Variants in PRDM16 observed in about 807,000 individuals in gnomAD.
PRDM16 encodes PR/SET domain 16.
A neutral mutation model predicts 110.6 loss-of-function variants in PRDM16; 23 were observed. That is an observed-to-expected ratio of 0.21 (90% CI 0.15 to 0.29). The LOEUF (loss-of-function observed/expected upper bound fraction) is 0.29. Ranked by LOEUF, PRDM16 falls within the 10% of genes least tolerant of loss-of-function variation. The pLI, the probability that PRDM16 is intolerant of heterozygous loss-of-function variation, is 1.00. For missense variants in PRDM16, 1,615 were observed against 1,794.3 expected (o/e 0.90, Z 1.81); for synonymous variants, 799 against 781.8 (o/e 1.02, Z -0.37).
At chr1:3,357,166 G>A (rs867483257) in intron 3 of PRDM16, among the ~76,000 whole-genome samples, 1 of 152,052 alleles carries the variant, frequency 6.6e-6, no homozygotes, top group African/African-American at 2.4e-5. Context: ...CGGGCCCTGG[G>A]AAGCCTCAGC....
Position 3,339,440 on chromosome 1 carries a change from C to T in PRDM16, c.439-45712C>T, listed in dbSNP as rs572250982. 3.3e-5 allele frequency among the ~76,000 whole-genome samples: 5 copies of T among 152,050 alleles called. No individual in the cohort carries two copies. The highest frequency in any genetic ancestry group is 4.8e-5 in the African/African-American group (2 of 41,404). On this transcript the variant is annotated intron_variant, in intron 3 of 16. Coordinates refer to ENST00000270722, the MANE Select transcript of PRDM16 (RefSeq NM_022114.4). The surrounding 1 kb of genome is among the most constrained non-coding windows in gnomAD (Gnocchi z 5.0). ...ACCCTAGAAAGTGCTCAGAGCAGAG[C>T]GGAAAGGGCATGACCCCTACCCAGT...
chr1:3,138,816 C>G (rs1024026568), intron 1 of PRDM16, among the ~76,000 whole-genome samples: 19 of 152,176 alleles, frequency 1.2e-4, no homozygotes, highest in Non-Finnish European at 2.4e-4. Flanking sequence ...GCCAGGCGCC[C>G]CTGCATGAGG....
intron 1 of PRDM16, among the ~76,000 whole-genome samples, chr1:3,089,304 G>A (rs1345972504): frequency 6.6e-6 from 1 of 152,242 alleles, no homozygotes; most frequent in Non-Finnish European, 1.5e-5. Flanking sequence ...CCCAGGCTGA[G>A]CCTCGTTTCT....
chr1:3,076,911 G>C (rs60823305), intron 1 of PRDM16, among the ~76,000 whole-genome samples: 5,764 of 152,128 alleles, frequency 0.038, 266 homozygotes, highest in African/African-American at 0.11. Context: ...GGTGTTTTTG[G>C]GGGGGACACA....
intron 2 of PRDM16, among the ~76,000 whole-genome samples, chr1:3,196,731 T>C (rs933155624): frequency 6.6e-6 from 1 of 152,206 alleles, no homozygotes; most frequent in Non-Finnish European, 1.5e-5. Flanking sequence ...GAAGCGATCA[T>C]TGTGGGGCAC....
chr1:3,429,839 C>T (rs11583353), intron 14 of PRDM16, among the ~76,000 whole-genome samples: 24,303 of 152,288 alleles, frequency 0.16, 2,245 homozygotes, highest in Non-Finnish European at 0.21. Context: ...GCCCAGTTCC[C>T]GTGCACACAG....
At chr1:3,348,875 G>T (rs926218327) in intron 3 of PRDM16, among the ~76,000 whole-genome samples, 2 of 152,234 alleles carry the variant, frequency 1.3e-5, no homozygotes, top group Non-Finnish European at 1.5e-5. Flanking sequence ...CAGCAAAAAT[G>T]AGGGAGCGGC....
chr1:3,131,784 G>A (rs975528072), intron 1 of PRDM16, among the ~76,000 whole-genome samples: 4 of 152,168 alleles, frequency 2.6e-5, no homozygotes, highest in African/African-American at 9.7e-5. Flanking sequence ...GGAGGCCGTG[G>A]CCCAGGCTGC....
intron 1 of PRDM16, among the ~76,000 whole-genome samples, chr1:3,111,218 T>C (rs1642784167): frequency 1.3e-5 from 2 of 152,126 alleles, no homozygotes; most frequent in Non-Finnish European, 2.9e-5. Flanking sequence ...AGCCTGCCTG[T>C]GCCAAGGCCC....
intron 1 of PRDM16, among the ~76,000 whole-genome samples, chr1:3,180,467 C>CATCT (rs1473273214): frequency 1.3e-5 from 2 of 152,114 alleles, no homozygotes; most frequent in Admixed American, 1.3e-4. Flanking sequence ...CGGTGGGTCC[C>CATCT]ATCTTGGGCA....
intron 3 of PRDM16, among the ~76,000 whole-genome samples, chr1:3,271,079 C>T (rs947652776): frequency 7.9e-5 from 12 of 152,200 alleles, no homozygotes; most frequent in East Asian, 1.9e-4. Flanking sequence ...CTGCCTGCCC[C>T]GCCACGTGCA....
rs950051793 is a variant in PRDM16, at chr1:3,213,599, G to A, written c.387+27125G>A. ...CTCACTCTTTCTCCGAGGAACAGGA[G>A]CAAGTGCGGCATTCTGGAGGGAGGT... On this transcript the variant is annotated intron_variant, in intron 2 of 16. Coordinates refer to ENST00000270722, the MANE Select transcript of PRDM16 (RefSeq NM_022114.4). This position sits in a 1 kb window ranked among gnomAD's most constrained non-coding sequence, Gnocchi z 5.3. Among the ~76,000 whole-genome samples the A allele has an allele frequency of 4.6e-5, 7 of 152,298 alleles. No homozygotes were observed. The East Asian group carries it at 1.2e-3, about 25-fold the overall frequency.
chr1:3,318,098 G>A (rs964872931), intron 3 of PRDM16, among the ~76,000 whole-genome samples: 1 of 152,204 alleles, frequency 6.6e-6, no homozygotes, highest in South Asian at 2.1e-4. Context: ...TTGCAGTCAT[G>A]AGCCGGAGTT....
chr1:3,428,195 A>G (rs1236460840), intron 14 of PRDM16, among the ~76,000 whole-genome samples: 1 of 150,632 alleles, frequency 6.6e-6, no homozygotes, highest in Non-Finnish European at 1.5e-5. Context: ...ACCCACCAGG[A>G]CCCCGAGCTA....
At chr1:3,424,436 G>A (rs964219237) in intron 12 of PRDM16, among the ~76,000 whole-genome samples, 2 of 152,224 alleles carry the variant, frequency 1.3e-5, no homozygotes, top group East Asian at 1.9e-4. Flanking sequence ...CTTTCCAGCC[G>A]CAAGGGGCCT....
intron 2 of PRDM16, among the ~76,000 whole-genome samples, chr1:3,231,429 A>T (rs1639410847): frequency 6.6e-6 from 1 of 151,746 alleles, no homozygotes; most frequent in South Asian, 2.1e-4. Flanking sequence ...CGTCAGGGAC[A>T]GCGGTCAAGG....
At chr1:3,159,576 C>T (rs966358572) in intron 1 of PRDM16, among the ~76,000 whole-genome samples, 1 of 152,240 alleles carries the variant, frequency 6.6e-6, no homozygotes, top group African/African-American at 2.4e-5. Flanking sequence ...AAGACCTCAT[C>T]TCCACATGCA....
intron 1 of PRDM16, among the ~76,000 whole-genome samples, chr1:3,118,724 C>T (rs1643024546): frequency 6.6e-6 from 1 of 150,478 alleles, no homozygotes; most frequent in African/African-American, 2.5e-5. Flanking sequence ...TGATCTCAGC[C>T]TGGGGGCCAC....
rs2493265 is a variant in PRDM16 at position 3,437,326 on chromosome 1, A to G, written c.*3515A>G. 215,648 of 232,792 alleles carry G rather than the reference A, an allele frequency of 0.93. 100,258 individuals carry two copies. The highest frequency in any genetic ancestry group is 0.99 in the Middle Eastern group (768 of 778). 14.4% of individuals were successfully genotyped at this position (232,792 alleles called of 1,614,324 possible). ...CGTCCTCTGCCTTCCCCGCTTCCCCATGAGCGTCTGCAAAACACTTGCCTG... is the reference window on the plus strand; with the variant it reads ...CGTCCTCTGCCTTCCCCGCTTCCCCGTGAGCGTCTGCAAAACACTTGCCTG... On this transcript the variant is annotated 3_prime_UTR_variant, in exon 17 of 17. Transcript: ENST00000270722.
Sources: allele counts gnomAD v4.1 joint callset (sites outside exome capture counted in the v4.1 genomes callset), GRCh38; gene constraint gnomAD v4.1.1; non-coding constraint Gnocchi (gnomAD v3.1); transcripts MANE v1.5; gene names NCBI Gene and HGNC (gene_info 2026-07-23, HGNC 2026-07-21).